The following HDLBP variants were observed in gnomAD, a reference collection of about 807,000 sequenced individuals.
HDLBP encodes vigilin.
HDLBP carries 30 observed loss-of-function variants against 137.3 expected under a neutral mutation model. The observed-to-expected ratio is 0.22, with a 90% CI of 0.16 to 0.30. The LOEUF (loss-of-function observed/expected upper bound fraction) is 0.30, where lower values mean the gene tolerates loss of function less well. Ranked by LOEUF, HDLBP falls within the 10% of genes least tolerant of loss-of-function variation. The probability of loss-of-function intolerance (pLI) is 1.00; values close to 1 mark genes in which losing one functional copy is unlikely to be tolerated. For missense variants in HDLBP, 1,119 were observed against 1,667.3 expected, an observed-to-expected ratio of 0.67 and a Z score of 5.73; for synonymous variants, 606 against 596.0, an observed-to-expected ratio of 1.02 and a Z score of -0.24.
chr2:241,247,621 T>C (rs1397734287), intron 14 of HDLBP, among the ~76,000 whole-genome samples: 1 of 152,234 alleles, frequency 6.6e-6, no homozygotes, highest in African/African-American at 2.4e-5. Flanking sequence ...TGTTCCCACG[T>C]CAGTTTTTGA....
At chr2:241,232,555 C>T (rs975260355) in intron 24 of HDLBP, among the ~76,000 whole-genome samples, 11 of 152,200 alleles carry the variant, frequency 7.2e-5, no homozygotes, top group South Asian at 2.1e-4. Context: ...GGATTACAGG[C>T]GTGAGCCACT....
At chr2:241,249,745 T>G in intron 12 of HDLBP, 96 bp downstream of exon 12, 1 of 1,252,486 alleles carries the variant, frequency 8.0e-7, no homozygotes, top group Non-Finnish European at 1.1e-6. Context: ...TCGACTTCCA[T>G]TCTCTAAGGC....
At chr2:241,264,090 G>A (rs1011894191) in intron 4 of HDLBP, among the ~76,000 whole-genome samples, 1 of 138,318 alleles carries the variant, frequency 7.2e-6, no homozygotes, top group Non-Finnish European at 1.7e-5. Flanking sequence ...CTGGCCGGGC[G>A]CGGTGGCTCA....
Position 241,238,543 on chromosome 2 carries a change from T to TA in HDLBP, c.2749+105_2749+106insT, listed in dbSNP as rs1055058162. The TA allele has an allele frequency of 1.1e-5, 10 of 938,870 alleles. No homozygotes were observed. The African/African-American group carries it at 1.5e-4, about 14-fold the overall frequency. The allele number at this position is 938,870 out of a possible 1,614,324, so 58.2% of individuals were successfully genotyped here. A position where few individuals can be genotyped will look rare whatever the true frequency, so the allele number is the denominator to read the frequency against. Reference sequence around the variant, plus strand: ...AAGCCCCCAGAATACATAGATGGTTTTCCAGCAGAGACAGGAAAGAGCCTC... The same window carrying TA: ...AAGCCCCCAGAATACATAGATGGTTTATCCAGCAGAGACAGGAAAGAGCCTC... On this transcript the variant is annotated intron_variant, in intron 20 of 27. Transcript: ENST00000310931. The surrounding 1 kb of genome is among the most constrained non-coding windows in gnomAD (Gnocchi z 4.9).
chr2:241,269,321 A>T (rs1484231374), intron 1 of HDLBP: 1 of 152,288 alleles, frequency 6.6e-6, no homozygotes, highest in Non-Finnish European at 1.5e-5. Context: ...CAATGACAGT[A>T]ACAGGAACAC....
Position 241,230,021 on chromosome 2 carries a change from G to C in HDLBP, c.3592-60C>G. On this transcript the variant is annotated intron_variant, in intron 26 of 27. Transcript: ENST00000310931. This position sits in a 1 kb window ranked among gnomAD's most constrained non-coding sequence, Gnocchi z 5.0. ...GCCCAGCACCCCCAGCATCCCGCCC[G>C]CCTGCTCACCCCTGCACCTCGCCTG... 3.2e-6 allele frequency: 5 copies of C among 1,574,522 alleles called. No homozygotes were observed. Among genetic ancestry groups the C allele is most frequent in the Non-Finnish European group, 4.3e-6 (5 of 1,158,260 alleles).
chr2:241,306,936 TAAGAA>T (rs2075598781), intron 1 of HDLBP, among the ~76,000 whole-genome samples: 1 of 104,838 alleles, frequency 9.5e-6, no homozygotes, highest in South Asian at 3.1e-4. Flanking sequence ...ATAAGGCTGA[TAAGAA>T]CAGGTCCAGG....
chr2:241,250,199 C>T (rs912183198), intron 11 of HDLBP: 2 of 427,520 alleles, frequency 4.7e-6, no homozygotes, highest in Admixed American at 4.1e-5. Flanking sequence ...GACAGGCTCT[C>T]AGCCTGGACC....
rs2070994552 is a variant in HDLBP, at chr2:241,239,570, G to A, written c.2610+32C>T. ...CTTCGGTGAGTGGCCACTGGGGGGT[G>A]AGAACCCCTCCCCGAGCACCCAAGT... On this transcript the variant is annotated intron_variant, in intron 19 of 27. Coordinates refer to ENST00000310931, the MANE Select transcript of HDLBP (RefSeq NM_005336.6). The surrounding 1 kb of genome is among the most constrained non-coding windows in gnomAD (Gnocchi z 4.6). The A allele has an allele frequency of 9.5e-6, 15 of 1,582,056 alleles. 1 individual carries two copies. The South Asian group carries it at 1.2e-4, about 13-fold the overall frequency.
chr2:241,235,635 A>C (rs767025644), intron 21 of HDLBP, 41 bp from the exon 22 acceptor site: 6 of 1,427,238 alleles, frequency 4.2e-6, no homozygotes, highest in Non-Finnish European at 5.9e-6. Context: ...GGGAGCTGAG[A>C]GCAGAGTGAC....
At chr2:241,295,516 T>C (rs982647609) in intron 1 of HDLBP, among the ~76,000 whole-genome samples, 2 of 152,184 alleles carry the variant, frequency 1.3e-5, no homozygotes, top group African/African-American at 4.8e-5. Flanking sequence ...ATCATGGAGA[T>C]GATGCCAAGA....
At chr2:241,286,746 G>A (rs2074826809) in intron 1 of HDLBP, among the ~76,000 whole-genome samples, 1 of 151,808 alleles carries the variant, frequency 6.6e-6, no homozygotes, top group Non-Finnish European at 1.5e-5. Context: ...GGTTTACAAT[G>A]GTGAAACCCT....
intron 21 of HDLBP, chr2:241,236,414 C>A: frequency 1.7e-6 from 1 of 604,034 alleles, no homozygotes; most frequent in South Asian, 2.0e-5. Context: ...GAACCCCGAG[C>A]CTTGGTGAAG....
chr2:241,313,064 C>T (rs1470807966), intron 1 of HDLBP, among the ~76,000 whole-genome samples: 1 of 152,196 alleles, frequency 6.6e-6, no homozygotes, highest in Non-Finnish European at 1.5e-5. Flanking sequence ...TCAGCACCAC[C>T]TGGAAAAACT....
At chr2:241,254,675 G>C (rs1313757460) in intron 9 of HDLBP, among the ~76,000 whole-genome samples, 1 of 151,934 alleles carries the variant, frequency 6.6e-6, no homozygotes, top group African/African-American at 2.4e-5. Flanking sequence ...TAGTAGAGTC[G>C]GGGTTTCACC....
rs774557611 is a variant in HDLBP, at chr2:241,255,565, T to C, written c.889A>G (p.Thr297Ala). 6 of 1,613,716 alleles carry C rather than the reference T, an allele frequency of 3.7e-6. No individual in the cohort carries two copies. The highest frequency in any genetic ancestry group is 1.7e-5 in the Admixed American group (1 of 60,008). The part of the protein sequence containing the change: ...IYEEKKKKTT[T>A]IAVEVKKSQH... Reference sequence around the variant, plus strand: ...GATTTCTTCACTTCCACTGCAATGGTTGTAGTCTTCTTTTTCTAAATAAGA... The same window carrying C: ...GATTTCTTCACTTCCACTGCAATGGCTGTAGTCTTCTTTTTCTAAATAAGA... Residue 297 changes from threonine to alanine, a missense_variant, in exon 8 of 28, where the codon ACC becomes GCC. This residue lies in a region of HDLBP where 425 missense variants were observed against 693.9 expected (regional missense o/e 0.61). Coordinates refer to ENST00000310931, the MANE Select transcript of HDLBP (RefSeq NM_005336.6).
intron 1 of HDLBP, among the ~76,000 whole-genome samples, chr2:241,290,148 C>T (rs938818985): frequency 1.3e-5 from 2 of 152,226 alleles, no homozygotes; most frequent in Admixed American, 1.3e-4. Flanking sequence ...GCAGGGTATG[C>T]TACCTTTCTG....
rs1304110871 is a variant in HDLBP, at chr2:241,315,570, C to T, written c.-103G>A. On this transcript the variant is annotated splice_region_variant and 5_prime_UTR_variant, in exon 1 of 28. Transcript: ENST00000310931. ...ACCGCAAGGCGAAGATTCTCATTAC[C>T]TGTTCCACTCTTATAAGCATAAGAA... 1.3e-5 allele frequency: 2 copies of T among 152,440 alleles called. No homozygotes were observed. Among genetic ancestry groups the T allele is most frequent in the Non-Finnish European group, 2.9e-5 (2 of 68,218 alleles). 9.4% of individuals were successfully genotyped at this position (152,440 alleles called of 1,614,324 possible). A position where few individuals can be genotyped will look rare whatever the true frequency, so the allele number is the denominator to read the frequency against.
chr2:241,236,533 A>G (rs767076057), intron 21 of HDLBP, 82 bp downstream of exon 21: 34 of 1,444,416 alleles, frequency 2.4e-5, no homozygotes, highest in Admixed American at 3.5e-5. Context: ...GCAACCGTCC[A>G]TCCCATCCAG....
Sources: allele counts gnomAD v4.1 joint callset (sites outside exome capture counted in the v4.1 genomes callset), GRCh38; gene constraint gnomAD v4.1.1; regional missense constraint gnomAD v4.1.1; non-coding constraint Gnocchi (gnomAD v3.1); transcripts MANE v1.5; gene names NCBI Gene and HGNC (gene_info 2026-07-23, HGNC 2026-07-21).